Variants in TCF12 observed in about 807,000 individuals in gnomAD.
TCF12 encodes transcription factor 12.
In TCF12, 45 loss-of-function variants were observed where a neutral mutation model predicts 86.0. The observed-to-expected ratio is 0.52, with a 90% confidence interval of 0.41 to 0.67. The LOEUF (loss-of-function observed/expected upper bound fraction) is 0.67. Among genes scored for constraint, TCF12 ranks in the 30% least tolerant of loss-of-function variants. TCF12 has a pLI of 0.00. For missense variants in TCF12, 881 were observed against 859.9 expected (o/e 1.02, Z -0.31); for synonymous variants, 330 against 299.6 (o/e 1.10, Z -1.05).
At chr15:57,246,375 T>C (rs2151983290) in intron 13 of TCF12, among the ~76,000 whole-genome samples, 1 of 152,280 alleles carries the variant, frequency 6.6e-6, no homozygotes, top group Admixed American at 6.5e-5. Flanking sequence ...TAGGATGCTT[T>C]AGGCTAAAAT....
intron 3 of TCF12, among the ~76,000 whole-genome samples, chr15:56,960,009 TTTAG>T (rs1328532750): frequency 2.6e-5 from 4 of 152,200 alleles, no homozygotes; most frequent in African/African-American, 7.2e-5. Context: ...TTTTGCCTTT[TTTAG>T]TTAAAAAACC....
chr15:57,002,983 A>C (rs1317454163), intron 3 of TCF12, among the ~76,000 whole-genome samples: 2 of 152,210 alleles, frequency 1.3e-5, no homozygotes, highest in South Asian at 2.1e-4. Context: ...TACATCTTTC[A>C]TAGTATGCCA....
chr15:56,942,832 C>T (rs977572626), intron 3 of TCF12, among the ~76,000 whole-genome samples: 4 of 152,030 alleles, frequency 2.6e-5, no homozygotes, highest in Admixed American at 6.6e-5. Context: ...CAGATATGAA[C>T]GTATTATTTG....
At chr15:57,242,299 G>A (rs749046821) in intron 12 of TCF12, among the ~76,000 whole-genome samples, 18 of 152,092 alleles carry the variant, frequency 1.2e-4, no homozygotes, top group Non-Finnish European at 2.5e-4. Flanking sequence ...GCTGAGATAC[G>A]AAAATGATTA....
intron 3 of TCF12, among the ~76,000 whole-genome samples, chr15:56,938,367 G>T (rs1209223325): frequency 6.6e-6 from 1 of 151,794 alleles, no homozygotes; most frequent in African/African-American, 2.4e-5. Context: ...CACCATGTTG[G>T]CCAGGATGGT....
intron 8 of TCF12, among the ~76,000 whole-genome samples, chr15:57,208,915 T>C (rs1362345554): frequency 6.6e-6 from 1 of 151,342 alleles, no homozygotes; most frequent in Non-Finnish European, 1.5e-5. Flanking sequence ...GAGGTTTTGC[T>C]GTGTTGCCAG....
chr15:57,024,360 C>T (rs1191785595), intron 3 of TCF12, among the ~76,000 whole-genome samples: 1 of 151,732 alleles, frequency 6.6e-6, no homozygotes, highest in Non-Finnish European at 1.5e-5. Context: ...ATTACAGGCG[C>T]CCGCCACCAA....
At chr15:57,052,474 T>C (rs1353389648) in intron 3 of TCF12, among the ~76,000 whole-genome samples, 1 of 151,842 alleles carries the variant, frequency 6.6e-6, no homozygotes, top group Non-Finnish European at 1.5e-5. Flanking sequence ...CCTTCTCTAC[T>C]AAAAATATAA....
Position 56,918,881 on chromosome 15 carries a change from G to A in TCF12, c.-48G>A. 6.5e-6 allele frequency: 1 copy of A among 152,756 alleles called. No homozygotes were observed. Among genetic ancestry groups the A allele is most frequent in the South Asian group, 2.0e-4 (1 of 4,912 alleles). The allele number at this position is 152,756 out of a possible 1,614,324, so 9.5% of individuals were successfully genotyped here. On this transcript the variant is annotated 5_prime_UTR_variant, in exon 1 of 21. Coordinates refer to ENST00000333725, the MANE Select transcript of TCF12 (RefSeq NM_207037.2). ...GGCCAAAGTGAACTTTAATCGGGGT[G>A]GTTGGATGCGGAGACGGGGCGGCAG...
At position 57,243,504 on chromosome 15, in the gene TCF12, T is replaced by C. The variant is rs1239293023; in HGVS notation, c.1068T>C (p.Phe356=). The C allele has an allele frequency of 1.2e-6, 2 of 1,613,992 alleles. No individual in the cohort carries two copies. Among genetic ancestry groups the C allele is most frequent in the East Asian group, 2.2e-5 (1 of 44,838 alleles). The change falls in exon 13 of 21, where the codon TTT becomes TTC. Residue 356 remains phenylalanine (F), a synonymous_variant. Coordinates refer to ENST00000333725, the MANE Select transcript of TCF12 (RefSeq NM_207037.2). ...IYSPDHTSSS[F]PSNPSTPVGS... is the part of the protein sequence containing the mutation. ...CTCCTGACCATACCAGCAGTAGTTT[T>C]CCGTCAAATCCATCAACACCAGTTG...
intron 13 of TCF12, among the ~76,000 whole-genome samples, chr15:57,246,222 C>G (rs750166333): frequency 7.2e-5 from 11 of 152,132 alleles, no homozygotes; most frequent in Non-Finnish European, 1.5e-4. Context: ...AAGATAGATA[C>G]ACAGGTGCAG....
chr15:57,136,294 C>G (rs2052515201), intron 5 of TCF12, among the ~76,000 whole-genome samples: 1 of 152,188 alleles, frequency 6.6e-6, no homozygotes, highest in Non-Finnish European at 1.5e-5. Flanking sequence ...TTTTAACCAT[C>G]TTTGCTGTGT....
At chr15:57,212,961 GA>G (rs2058175700) in intron 8 of TCF12, among the ~76,000 whole-genome samples, 1 of 152,192 alleles carries the variant, frequency 6.6e-6, no homozygotes, top group African/African-American at 2.4e-5. Flanking sequence ...ACTAATGAAT[GA>G]TAGGGAGAAT....
intron 18 of TCF12, among the ~76,000 whole-genome samples, chr15:57,268,001 C>T (rs573266757): frequency 6.6e-6 from 1 of 152,160 alleles, no homozygotes; most frequent in African/African-American, 2.4e-5. Context: ...TCTACTGTTA[C>T]AGTGGTAGTG....
intron 8 of TCF12, among the ~76,000 whole-genome samples, chr15:57,207,943 A>G (rs2057912005): frequency 6.6e-6 from 1 of 152,064 alleles, no homozygotes; most frequent in Admixed American, 6.5e-5. Flanking sequence ...AAATCAACAA[A>G]TATATACTAA....
At chr15:57,115,752 G>A (rs1383280590) in intron 5 of TCF12, among the ~76,000 whole-genome samples, 3 of 152,132 alleles carry the variant, frequency 2.0e-5, no homozygotes, top group Non-Finnish European at 4.4e-5. Flanking sequence ...AGAAAGGTCA[G>A]TCATTTTGGC....
intron 4 of TCF12, among the ~76,000 whole-genome samples, chr15:57,087,838 A>G (rs1201125408): frequency 2.0e-5 from 3 of 152,202 alleles, no homozygotes; most frequent in African/African-American, 7.2e-5. Context: ...TGTGGCTAAA[A>G]GGCTGGTGTA....
At chr15:57,254,377 C>T (rs916792709) in intron 16 of TCF12, among the ~76,000 whole-genome samples, 8 of 152,148 alleles carry the variant, frequency 5.3e-5, no homozygotes, top group Non-Finnish European at 8.8e-5. Context: ...TTTTGAGCCT[C>T]TGAAGTAAAC....
At chr15:57,197,744 T>G in intron 7 of TCF12, 29 bp from the exon 8 acceptor site, 1 of 1,611,344 alleles carries the variant, frequency 6.2e-7, no homozygotes, top group Non-Finnish European at 8.5e-7. Context: ...TATATTATGC[T>G]GAAGAAATGT....
Sources: allele counts gnomAD v4.1 joint callset (sites outside exome capture counted in the v4.1 genomes callset), GRCh38; gene constraint gnomAD v4.1.1; transcripts MANE v1.5; gene names NCBI Gene and HGNC (gene_info 2026-07-23, HGNC 2026-07-21).